WWOX: variants seen among roughly 807,000 people sequenced by gnomAD.
WWOX encodes WW domain containing oxidoreductase.
WWOX carries 69 observed loss-of-function variants against 46.2 expected under a neutral mutation model. That is an observed-to-expected ratio of 1.49 (90% confidence interval 1.23 to 1.82). The LOEUF (loss-of-function observed/expected upper bound fraction) is 1.82. Ranked by LOEUF, WWOX falls within the 40% of genes most tolerant of loss-of-function variation. The pLI is 0.00. For missense variants in WWOX, 919 were observed against 542.6 expected (o/e 1.69, Z -6.89); for synonymous variants, 359 against 202.6 (o/e 1.77, Z -6.56).
intron 5 of WWOX, among the ~76,000 whole-genome samples, chr16:78,205,156 A>G (rs185448655): frequency 4.0e-4 from 61 of 152,266 alleles, no homozygotes; most frequent in Non-Finnish European, 4.6e-4. Flanking sequence ...TGACATGACA[A>G]TTATGGAAGT....
chr16:78,587,822 A>G lies in WWOX; in HGVS notation c.1056+155070A>G, dbSNP rs578254871. Among the ~76,000 whole-genome samples, 349 of 152,282 alleles carry G rather than the reference A, an allele frequency of 2.3e-3. 3 individuals carry two copies. The highest frequency in any genetic ancestry group is 4.0e-3 in the Non-Finnish European group (273 of 68,018). ...CAGGACTTTTTCCTGGTAATTGTGCAAAATGTCCCAGTGAATGCCAATTCC... is the reference window on the plus strand; with the variant it reads ...CAGGACTTTTTCCTGGTAATTGTGCGAAATGTCCCAGTGAATGCCAATTCC... On this transcript the variant is annotated intron_variant, in intron 8 of 8. Coordinates refer to ENST00000566780, the MANE Select transcript of WWOX (RefSeq NM_016373.4).
At chr16:78,909,096 C>A (rs998894744) in intron 8 of WWOX, among the ~76,000 whole-genome samples, 1 of 152,184 alleles carries the variant, frequency 6.6e-6, no homozygotes. Flanking sequence ...GTCCTACAAC[C>A]AAATCAACTT....
chr16:78,918,640 T>C (rs960933070), intron 8 of WWOX, among the ~76,000 whole-genome samples: 1 of 152,208 alleles, frequency 6.6e-6, no homozygotes, highest in Non-Finnish European at 1.5e-5. Flanking sequence ...TTACTAATGA[T>C]AATAACAGTT....
chr16:78,500,472 C>T (rs564467869), intron 8 of WWOX, among the ~76,000 whole-genome samples: 4 of 150,516 alleles, frequency 2.7e-5, no homozygotes, highest in Non-Finnish European at 5.9e-5. Context: ...TTTTTTAGAT[C>T]GCTGCATGCT....
intron 5 of WWOX, among the ~76,000 whole-genome samples, chr16:78,205,341 CAT>C (rs1323128026): frequency 3.3e-5 from 5 of 152,114 alleles, no homozygotes; most frequent in African/African-American, 1.2e-4. Context: ...TCCACGTATC[CAT>C]ATGTCAGTTG....
intron 8 of WWOX, among the ~76,000 whole-genome samples, chr16:78,669,712 A>G (rs1286762339): frequency 6.6e-5 from 10 of 152,234 alleles, no homozygotes; most frequent in Non-Finnish European, 1.2e-4. Context: ...GTTACAGTTC[A>G]TTGGATAATT....
At chr16:78,828,969 A>C (rs1031940031) in intron 8 of WWOX, among the ~76,000 whole-genome samples, 2 of 152,244 alleles carry the variant, frequency 1.3e-5, no homozygotes, top group African/African-American at 4.8e-5. Flanking sequence ...AAAGCGACAC[A>C]GCCATGAATG....
At chr16:78,649,643 C>A (rs1276788352) in intron 8 of WWOX, among the ~76,000 whole-genome samples, 1 of 152,210 alleles carries the variant, frequency 6.6e-6, no homozygotes, top group African/African-American at 2.4e-5. Flanking sequence ...TGCTTACTTT[C>A]CCTTCTGTCC....
chr16:78,108,837 A>C (rs2032316917), intron 2 of WWOX, among the ~76,000 whole-genome samples: 1 of 152,196 alleles, frequency 6.6e-6, no homozygotes. Flanking sequence ...AAAATACAAA[A>C]ATTAGCTGGG....
At chr16:78,997,611 A>G (rs561282978) in intron 8 of WWOX, among the ~76,000 whole-genome samples, 1 of 152,248 alleles carries the variant, frequency 6.6e-6, no homozygotes, top group South Asian at 2.1e-4. Flanking sequence ...TCATGCCAAG[A>G]AACCTAATGT....
intron 5 of WWOX, among the ~76,000 whole-genome samples, chr16:78,333,454 C>G (rs2080810779): frequency 6.6e-6 from 1 of 152,058 alleles, no homozygotes; most frequent in Non-Finnish European, 1.5e-5. Context: ...TGAGTGTAAT[C>G]TGTTCTGATG....
chr16:78,418,189 T>A (rs2082841603), intron 6 of WWOX, among the ~76,000 whole-genome samples: 1 of 151,746 alleles, frequency 6.6e-6, no homozygotes, highest in Non-Finnish European at 1.5e-5. Context: ...TGAAACCCCG[T>A]CTCTACTAAA....
intron 8 of WWOX, among the ~76,000 whole-genome samples, chr16:78,658,675 C>G (rs1049106307): frequency 6.6e-6 from 1 of 152,158 alleles, no homozygotes; most frequent in Non-Finnish European, 1.5e-5. Context: ...CATCTTCACT[C>G]TCTGTCTTTG....
intron 1 of WWOX, among the ~76,000 whole-genome samples, chr16:78,104,696 CAT>C (rs1303623680): frequency 1.3e-5 from 2 of 152,050 alleles, no homozygotes; most frequent in Admixed American, 6.5e-5. Flanking sequence ...GCTTAGGGGA[CAT>C]GTGTTCTAAT....
chr16:78,342,506 G>A lies in WWOX; in HGVS notation c.517-44354G>A, dbSNP rs936226275. ...TTGCTTCCATCAACATTCCACTGGC[G>A]AGAGTGAGTCCCTGGCCCCTATGTA... On this transcript the variant is annotated intron_variant, in intron 5 of 8. Transcript: ENST00000566780. 1.2e-3 allele frequency among the ~76,000 whole-genome samples: 142 copies of A among 120,208 alleles called. 42 individuals carry two copies. Among genetic ancestry groups the A allele is most frequent in the Admixed American group, 1.5e-3 (18 of 12,308 alleles). 78.9% of individuals were successfully genotyped at this position (120,208 alleles called of 152,430 possible). A position where few individuals can be genotyped will look rare whatever the true frequency, so the allele number is the denominator to read the frequency against.
At chr16:79,152,195 G>A (rs1411585354) in intron 8 of WWOX, among the ~76,000 whole-genome samples, 2 of 152,182 alleles carry the variant, frequency 1.3e-5, no homozygotes, top group African/African-American at 4.8e-5. Context: ...CACGCGAGGC[G>A]AGGCCCTGAG....
chr16:78,737,154 C>T (rs917412005), intron 8 of WWOX, among the ~76,000 whole-genome samples: 15 of 151,890 alleles, frequency 9.9e-5, no homozygotes, highest in Non-Finnish European at 2.1e-4. Flanking sequence ...GGCTGGAGTG[C>T]AGTGGTATGA....
intron 5 of WWOX, among the ~76,000 whole-genome samples, chr16:78,311,161 G>C (rs1250181431): frequency 6.6e-6 from 1 of 152,114 alleles, no homozygotes; most frequent in Non-Finnish European, 1.5e-5. Flanking sequence ...TGAAGTGTGA[G>C]CAATTTCTGG....
Position 78,165,781 on chromosome 16 carries a change from C to G in WWOX, c.516+1492C>G, listed in dbSNP as rs56870925. ...TAAAGAAAAGGAAGATTTATTTCTG[C>G]TTTTTCAGTGTATTTATGATGAAAT... On this transcript the variant is annotated intron_variant, in intron 5 of 8. Coordinates refer to ENST00000566780, the MANE Select transcript of WWOX (RefSeq NM_016373.4). 3.9e-3 allele frequency among the ~76,000 whole-genome samples: 592 copies of G among 152,252 alleles called. 4 individuals are homozygous for G. The highest frequency in any genetic ancestry group is 0.013 in the African/African-American group (561 of 41,558).
Sources: gnomAD v4.1 joint callset for allele counts (sites outside exome capture counted in the v4.1 genomes callset) on GRCh38, gnomAD v4.1.1 for gene constraint, MANE v1.5 for transcripts, NCBI Gene and HGNC (gene_info 2026-07-23, HGNC 2026-07-21) for gene names.